Variants in ARHGEF28 observed in about 807,000 individuals in gnomAD.
The protein encoded by ARHGEF28 is 190 kDa guanine nucleotide exchange factor.
Under a neutral mutation model 206.6 loss-of-function variants are expected in ARHGEF28, and 152 were observed. The observed-to-expected ratio is 0.74, with a 90% CI of 0.64 to 0.84. ARHGEF28 has a LOEUF of 0.84. ARHGEF28 is among the 40% of genes least tolerant of loss of function. The pLI, the probability that ARHGEF28 is intolerant of heterozygous loss-of-function variation, is 0.00. For missense variants in ARHGEF28, 2,028 were observed against 2,073.2 expected, an observed-to-expected ratio of 0.98 and a Z score of 0.42; for synonymous variants, 763 against 776.4, an observed-to-expected ratio of 0.98 and a Z score of 0.29.
intron 2 of ARHGEF28, among the ~76,000 whole-genome samples, chr5:73,729,060 C>A (rs956124461): frequency 1.3e-5 from 2 of 152,162 alleles, no homozygotes; most frequent in Non-Finnish European, 2.9e-5. Flanking sequence ...TTCTTGGCTT[C>A]AAGGGATTTC....
chr5:73,921,016 A>G (rs1020462764), intron 35 of ARHGEF28, among the ~76,000 whole-genome samples: 2 of 152,184 alleles, frequency 1.3e-5, no homozygotes, highest in African/African-American at 4.8e-5. Context: ...GGCCAGTTCA[A>G]CATCAATGAA....
intron 3 of ARHGEF28, among the ~76,000 whole-genome samples, chr5:73,751,768 A>G (rs1269523745): frequency 2.0e-5 from 3 of 152,222 alleles, no homozygotes; most frequent in Non-Finnish European, 2.9e-5. Flanking sequence ...GACAGTTTCT[A>G]TTTCTGAACC....
chr5:73,737,756 A>G (rs1751090865), intron 2 of ARHGEF28, among the ~76,000 whole-genome samples: 1 of 151,960 alleles, frequency 6.6e-6, no homozygotes, highest in Non-Finnish European at 1.5e-5. Flanking sequence ...ACCTCAGGTG[A>G]TCCGCCTGCC....
intron 9 of ARHGEF28, among the ~76,000 whole-genome samples, chr5:73,804,082 CAAAAAAAAAAAAAA>C: frequency 1.6e-5 from 1 of 64,306 alleles, no homozygotes; most frequent in East Asian, 4.6e-4. Context: ...GAGACCCTGT[CAAAAAAAAAAAAAA>C]AAAAAAAAAA....
chr5:73,846,760 T>C (rs1434903287), intron 12 of ARHGEF28, among the ~76,000 whole-genome samples: 3 of 152,182 alleles, frequency 2.0e-5, no homozygotes, highest in Non-Finnish European at 4.4e-5. Flanking sequence ...TTTACAATGA[T>C]TTCTCCCATC....
chr5:73,678,223 T>C (rs1165658210), intron 1 of ARHGEF28, among the ~76,000 whole-genome samples: 3 of 152,222 alleles, frequency 2.0e-5, no homozygotes, highest in Non-Finnish European at 2.9e-5. Flanking sequence ...TTTTCTACAA[T>C]TAGTCTATGA....
chr5:73,766,564 TCCC>T, intron 4 of ARHGEF28, among the ~76,000 whole-genome samples: 1 of 152,212 alleles, frequency 6.6e-6, no homozygotes, highest in Non-Finnish European at 1.5e-5. Context: ...AATTAGCAGA[TCCC>T]AACTCTGGCT....
intron 7 of ARHGEF28, among the ~76,000 whole-genome samples, chr5:73,789,669 GT>G (rs1754352570): frequency 6.6e-6 from 1 of 151,874 alleles, no homozygotes; most frequent in Non-Finnish European, 1.5e-5. Flanking sequence ...TTTTTTCCAA[GT>G]TTTTATTTAT....
At chr5:73,774,106 G>A in intron 5 of ARHGEF28, 68 bp downstream of exon 5, 1 of 1,407,178 alleles carries the variant, frequency 7.1e-7, no homozygotes, top group Non-Finnish European at 9.5e-7. Context: ...TAGAAAAATG[G>A]AAATAACCAA....
At chr5:73,808,663 G>A (rs77179945) in intron 9 of ARHGEF28, among the ~76,000 whole-genome samples, 8,180 of 152,226 alleles carry the variant, frequency 0.054, 293 homozygotes, top group African/African-American at 0.096. Context: ...CACTGGCTCA[G>A]CTTATCCAGG....
chr5:73,687,553 C>T (rs2112255729), intron 2 of ARHGEF28, among the ~76,000 whole-genome samples: 1 of 152,114 alleles, frequency 6.6e-6, no homozygotes, highest in East Asian at 1.9e-4. Context: ...CCAAAATCTA[C>T]CAAATGGGTA....
intron 31 of ARHGEF28, chr5:73,903,295 G>A (rs973691332): frequency 6.6e-6 from 1 of 152,168 alleles, no homozygotes; most frequent in Admixed American, 6.5e-5. Flanking sequence ...AAGGTGTGAA[G>A]TTTACAGTGG....
chr5:73,893,531 G>C (rs150856402), intron 28 of ARHGEF28, among the ~76,000 whole-genome samples: 2 of 152,214 alleles, frequency 1.3e-5, no homozygotes, highest in African/African-American at 4.8e-5. Flanking sequence ...AACAACAGCT[G>C]TGGGCAGTGT....
chr5:73,752,778 G>A, intron 3 of ARHGEF28, 131 bp from the exon 4 acceptor site: 3 of 1,025,502 alleles, frequency 2.9e-6, no homozygotes, highest in Non-Finnish European at 4.3e-6. Context: ...TAATGGGCTG[G>A]CTTTCCTTTC....
chr5:73,632,660 T>C (rs909871568), intron 1 of ARHGEF28, among the ~76,000 whole-genome samples: 26 of 152,206 alleles, frequency 1.7e-4, no homozygotes, highest in African/African-American at 6.0e-4. Context: ...TTTATTGAGG[T>C]TAGAAAATAA....
intron 14 of ARHGEF28, among the ~76,000 whole-genome samples, chr5:73,854,330 C>G (rs565515397): frequency 1.8e-4 from 28 of 152,312 alleles, no homozygotes; most frequent in Admixed American, 3.9e-4. Context: ...TGAGCTCACT[C>G]TATACCTTGC....
intron 31 of ARHGEF28, 101 bp from the exon 32 acceptor site, chr5:73,904,121 T>C (rs1762419420): frequency 2.6e-6 from 3 of 1,151,080 alleles, no homozygotes; most frequent in East Asian, 2.3e-5. Flanking sequence ...AGTTTAGAGA[T>C]AGCAAAGTGA....
rs147053097 is a variant in ARHGEF28, at chr5:73,831,496, G to A, written c.1025-842G>A. Reference sequence around the variant, plus strand: ...CCAAAATAGAAGTAAAATTCTCCACGTGTGAGATTCTGCATGTTAGCAAGC... The same window carrying A: ...CCAAAATAGAAGTAAAATTCTCCACATGTGAGATTCTGCATGTTAGCAAGC... On this transcript the variant is annotated intron_variant, in intron 9 of 35. Coordinates refer to ENST00000513042, the MANE Select transcript of ARHGEF28 (RefSeq NM_001177693.2). Among the ~76,000 whole-genome samples, 1,192 of 152,264 alleles carry A rather than the reference G, an allele frequency of 7.8e-3. 8 individuals are homozygous for A. The highest frequency in any genetic ancestry group is 0.014 in the Middle Eastern group (4 of 294).
intron 2 of ARHGEF28, among the ~76,000 whole-genome samples, chr5:73,744,626 G>A (rs1391288841): frequency 1.3e-5 from 2 of 151,724 alleles, no homozygotes; most frequent in African/African-American, 4.8e-5. Context: ...CTGTATTTTA[G>A]CATAATAGTT....
Sources: gnomAD v4.1 joint callset for allele counts (sites outside exome capture counted in the v4.1 genomes callset) on GRCh38, gnomAD v4.1.1 for gene constraint, MANE v1.5 for transcripts, NCBI Gene and HGNC (gene_info 2026-07-23, HGNC 2026-07-21) for gene names.